ARHGEF28: variants seen among roughly 807,000 people sequenced by gnomAD.
The protein encoded by ARHGEF28 is Rho guanine nucleotide exchange factor 28.
A neutral mutation model predicts 206.6 loss-of-function variants in ARHGEF28; 152 were observed. That is an observed-to-expected ratio of 0.74 (90% confidence interval 0.64 to 0.84). The LOEUF (loss-of-function observed/expected upper bound fraction) is 0.84. Among genes scored for constraint, ARHGEF28 ranks in the 40% least tolerant of loss-of-function variants. ARHGEF28 has a pLI of 0.00. For synonymous variants in ARHGEF28, 763 were observed against 776.4 expected (o/e 0.98, Z 0.29); for missense variants, 2,028 against 2,073.2 (o/e 0.98, Z 0.42).
At chr5:73,781,380 T>A (rs1272046665) in intron 7 of ARHGEF28, among the ~76,000 whole-genome samples, 1 of 152,222 alleles carries the variant, frequency 6.6e-6, no homozygotes, top group Non-Finnish European at 1.5e-5. Flanking sequence ...TTGTTCCTAC[T>A]CTATTCCACA....
intron 1 of ARHGEF28, among the ~76,000 whole-genome samples, chr5:73,671,717 TATATATATATATATATATA>T (rs1746336303): frequency 1.6e-4 from 2 of 12,702 alleles, no homozygotes; most frequent in Non-Finnish European, 2.9e-4. Flanking sequence ...TATATATATA[TATATATATATATATATATA>T]TATTTTTTTT....
chr5:73,683,968 TA>T (rs1747277107), intron 1 of ARHGEF28, among the ~76,000 whole-genome samples: 1 of 152,168 alleles, frequency 6.6e-6, no homozygotes, highest in African/African-American at 2.4e-5. Context: ...TAATATAAAA[TA>T]ATAAAGGTGG....
intron 16 of ARHGEF28, among the ~76,000 whole-genome samples, chr5:73,860,017 A>G (rs1759292714): frequency 6.6e-6 from 1 of 152,158 alleles, no homozygotes; most frequent in South Asian, 2.1e-4. Flanking sequence ...GTCTTTCCTC[A>G]TTGTTCAGAC....
At position 73,922,979 on chromosome 5, in the gene ARHGEF28, CT is replaced by C. The variant is rs971411753; in HGVS notation, c.4948+11408del. ...TACCAAGTTTTGCAAATGCAAAGTA[CT>C]TTTCATTGGCATGGAAATTGGAGGG... is the stretch of plus-strand genomic sequence containing the variant. On this transcript the variant is annotated intron_variant, in intron 35 of 35. Transcript: ENST00000513042. The C allele has an allele frequency of 4.7e-6, 5 of 1,070,222 alleles. No individual in the cohort carries two copies. The Admixed American group carries it at 1.1e-4, about 25-fold the overall frequency. The allele number at this position is 1,070,222 out of a possible 1,614,324, so 66.3% of individuals were successfully genotyped here.
intron 4 of ARHGEF28, among the ~76,000 whole-genome samples, chr5:73,756,737 A>G (rs1256199556): frequency 6.6e-6 from 1 of 152,220 alleles, no homozygotes; most frequent in Non-Finnish European, 1.5e-5. Context: ...TAAAAAAAAC[A>G]AATTGGGCAT....
intron 1 of ARHGEF28, among the ~76,000 whole-genome samples, chr5:73,667,591 A>G (rs573853468): frequency 1.3e-5 from 2 of 152,330 alleles, no homozygotes; most frequent in Admixed American, 1.3e-4. Flanking sequence ...TTCTATCCGT[A>G]TTAATCTCTT....
At chr5:73,776,419 T>A in intron 5 of ARHGEF28, 97 bp from the exon 6 acceptor site, 2 of 1,142,796 alleles carry the variant, frequency 1.8e-6, no homozygotes, top group South Asian at 1.9e-5. Context: ...ATTTTGCCAG[T>A]TGGATTTGTA....
At chr5:73,873,663 C>G (rs755481031) in intron 22 of ARHGEF28, among the ~76,000 whole-genome samples, 4 of 152,144 alleles carry the variant, frequency 2.6e-5, no homozygotes, top group East Asian at 1.9e-4. Context: ...GCTGTTTCAT[C>G]CTATCATTTA....
At chr5:73,733,130 C>T (rs571570064) in intron 2 of ARHGEF28, among the ~76,000 whole-genome samples, 1 of 152,168 alleles carries the variant, frequency 6.6e-6, no homozygotes, top group East Asian at 1.9e-4. Flanking sequence ...AGTCTTTTAT[C>T]TCTCACCTGC....
chr5:73,661,683 G>A (rs965126834), intron 1 of ARHGEF28, among the ~76,000 whole-genome samples: 4 of 152,022 alleles, frequency 2.6e-5, no homozygotes, highest in Admixed American at 6.6e-5. Context: ...GAATAGGAAA[G>A]GCCCAAGGAG....
intron 3 of ARHGEF28, among the ~76,000 whole-genome samples, chr5:73,751,308 G>A (rs1331597704): frequency 6.6e-6 from 1 of 152,232 alleles, no homozygotes; most frequent in Non-Finnish European, 1.5e-5. Flanking sequence ...TACTTGGGAA[G>A]CTGAGGCTGG....
intron 20 of ARHGEF28, among the ~76,000 whole-genome samples, 190 bp downstream of exon 20, chr5:73,868,417 A>C (rs1193669012): frequency 1.3e-5 from 2 of 152,212 alleles, no homozygotes; most frequent in African/African-American, 4.8e-5. Flanking sequence ...AAAACCAGAG[A>C]GTGACCAAGG....
chr5:73,643,492 A>C (rs1212543162), intron 1 of ARHGEF28, among the ~76,000 whole-genome samples: 1 of 152,130 alleles, frequency 6.6e-6, no homozygotes, highest in Non-Finnish European at 1.5e-5. Flanking sequence ...TTTTATTGGC[A>C]CAATTATATA....
intron 1 of ARHGEF28, among the ~76,000 whole-genome samples, chr5:73,657,936 C>T (rs1026623639): frequency 4.6e-5 from 7 of 152,160 alleles, no homozygotes; most frequent in African/African-American, 1.4e-4. Context: ...CATTAAAACA[C>T]TTCAGGCAAA....
rs1196377693 is a variant in ARHGEF28 at position 73,721,145 on chromosome 5, G to A, written c.34-28692G>A. On this transcript the variant is annotated intron_variant, in intron 2 of 35. Coordinates refer to ENST00000513042, the MANE Select transcript of ARHGEF28 (RefSeq NM_001177693.2). The stretch of plus-strand genomic sequence containing the variant: ...TCTCTCTCTTTTTCTTCTCCCTTTG[G>A]CCTGGAAGAGCAGGGGAAGCCACAG... 2.0e-5 allele frequency among the ~76,000 whole-genome samples: 3 copies of A among 152,002 alleles called. No individual in the cohort carries two copies. In the East Asian group the frequency reaches 5.8e-4, roughly 29 times the overall value.
chr5:73,800,777 G>A (rs1414251850), intron 9 of ARHGEF28, among the ~76,000 whole-genome samples: 2 of 152,272 alleles, frequency 1.3e-5, no homozygotes, highest in South Asian at 2.1e-4. Context: ...AGACAAGACC[G>A]AGAGAGAAAC....
At chr5:73,771,459 A>G (rs1753216072) in intron 4 of ARHGEF28, among the ~76,000 whole-genome samples, 1 of 152,080 alleles carries the variant, frequency 6.6e-6, no homozygotes, top group African/African-American at 2.4e-5. Flanking sequence ...GAGGCAGGAG[A>G]ATCACTTGAA....
chr5:73,658,572 A>C (rs1048136023), intron 1 of ARHGEF28, among the ~76,000 whole-genome samples: 1 of 152,188 alleles, frequency 6.6e-6, no homozygotes, highest in Non-Finnish European at 1.5e-5. Context: ...TTGATGAAAA[A>C]TGTTGATTTC....
At chr5:73,681,961 A>G (rs1484115346) in intron 1 of ARHGEF28, among the ~76,000 whole-genome samples, 2 of 152,152 alleles carry the variant, frequency 1.3e-5, no homozygotes, top group African/African-American at 2.4e-5. Context: ...TAGCACGCCT[A>G]TCATCTTAAC....
Sources: gnomAD v4.1 joint callset for allele counts (sites outside exome capture counted in the v4.1 genomes callset) on GRCh38, gnomAD v4.1.1 for gene constraint, MANE v1.5 for transcripts, NCBI Gene and HGNC (gene_info 2026-07-23, HGNC 2026-07-21) for gene names.